PRKD3: variants seen among roughly 807,000 people sequenced by gnomAD.
The protein encoded by PRKD3 is serine/threonine-protein kinase D3.
In PRKD3, 47 loss-of-function variants were observed where a neutral mutation model predicts 99.2. That is an observed-to-expected ratio of 0.47 (90% CI 0.38 to 0.60). The LOEUF (loss-of-function observed/expected upper bound fraction) is 0.60. PRKD3 is among the 20% of genes least tolerant of loss of function. The pLI is 0.00. For synonymous variants in PRKD3, 392 were observed against 355.4 expected (o/e 1.10, Z -1.16); for missense variants, 1,019 against 1,088.4 (o/e 0.94, Z 0.90).
intron 14 of PRKD3, among the ~76,000 whole-genome samples, chr2:37,266,520 G>A (rs1212869755): frequency 7.0e-6 from 1 of 143,706 alleles, no homozygotes; most frequent in East Asian, 2.1e-4. Context: ...GAGTTTTGCT[G>A]TTGTTGCCCA....
In PRKD3 at chr2:37,252,893, C is replaced by A. The variant is rs1040439837; in HGVS notation, c.*284G>T. ...GAAATGGGAAGACAAATTAAGTGAG[C>A]CTATTGTATTAAAGTGAAGGATTAA... is the stretch of plus-strand genomic sequence containing the variant. On this transcript the variant is annotated 3_prime_UTR_variant, in exon 19 of 19. Transcript: ENST00000234179. The A allele has an allele frequency of 6.0e-6, 1 of 165,942 alleles. No individual in the cohort carries two copies. The highest frequency in any genetic ancestry group is 1.2e-5 in the Non-Finnish European group (1 of 80,468). 10.3% of individuals were successfully genotyped at this position (165,942 alleles called of 1,614,324 possible). A position where few individuals can be genotyped will look rare whatever the true frequency, so the allele number is the denominator to read the frequency against.
intron 18 of PRKD3, among the ~76,000 whole-genome samples, chr2:37,253,813 G>C (rs542582092): frequency 2.1e-4 from 32 of 152,266 alleles, no homozygotes; most frequent in African/African-American, 7.5e-4. Context: ...CTGAAGTTTG[G>C]AGGGTATCTT....
chr2:37,274,595 T>C lies in PRKD3; in HGVS notation c.1477A>G (p.Met493Val), dbSNP rs1482484300. The C allele has an allele frequency of 3.1e-6, 5 of 1,613,946 alleles. No individual in the cohort carries two copies. Among genetic ancestry groups the C allele is most frequent in the Admixed American group, 3.3e-5 (2 of 59,996 alleles). ...PHCFEIITDT[M>V]VYFVGENNGD... ...TTGTTCTCACCAACGAAGTATACCATAGTATCAGTAATGATTTCAAAACAG... is the reference window on the plus strand; with the variant it reads ...TTGTTCTCACCAACGAAGTATACCACAGTATCAGTAATGATTTCAAAACAG... The change falls in exon 11 of 19, where the codon ATG becomes GTG. Residue 493 changes from methionine (M) to valine (V), a missense_variant. This residue lies in a region of PRKD3 where 710 missense variants were observed against 692.7 expected (regional missense o/e 1.02). Transcript: ENST00000234179.
intron 6 of PRKD3, among the ~76,000 whole-genome samples, chr2:37,283,262 T>C (rs1441373433): frequency 6.6e-6 from 1 of 152,200 alleles, no homozygotes; most frequent in Non-Finnish European, 1.5e-5. Context: ...TCTTGCGCCC[T>C]ATCCCAGACC....
rs201573573 is a variant in PRKD3, at chr2:37,253,208, G to A, written c.2642C>T (p.Pro881Leu). 2 of 1,610,712 alleles carry A rather than the reference G, an allele frequency of 1.2e-6. No homozygotes were observed. The highest frequency in any genetic ancestry group is 2.2e-5 in the East Asian group (1 of 44,768). Residue 881 changes from proline (P) to leucine (L), a missense_variant, in exon 19 of 19, where the codon CCT (proline) becomes CTT (leucine). Pro to Leu is a moderately conservative substitution (Grantham distance 98, BLOSUM62 -3). Coordinates refer to ENST00000234179, the MANE Select transcript of PRKD3 (RefSeq NM_005813.6). ...ATCTTCTTCCATATCATCTGGATTA[G>A]GAGCCATAATGAAGTGCTTTGGGTA... Reference protein sequence around the residue: ...LVYPKHFIMAPNPDDMEEDP With the variant: ...LVYPKHFIMALNPDDMEEDP
At chr2:37,297,435 T>G (rs1342817982) in intron 2 of PRKD3, among the ~76,000 whole-genome samples, 5 of 152,170 alleles carry the variant, frequency 3.3e-5, no homozygotes, top group African/African-American at 7.2e-5. Flanking sequence ...ATTATTAACA[T>G]TGTACATTAG....
chr2:37,303,104 G>C (rs372335920), intron 2 of PRKD3, among the ~76,000 whole-genome samples: 1 of 152,150 alleles, frequency 6.6e-6, no homozygotes, highest in Non-Finnish European at 1.5e-5. Context: ...TGACTGGAGA[G>C]AGGTGACTTG....
intron 10 of PRKD3, among the ~76,000 whole-genome samples, chr2:37,275,145 G>A (rs1669501589): frequency 1.3e-5 from 2 of 151,854 alleles, no homozygotes; most frequent in Non-Finnish European, 2.9e-5. Flanking sequence ...CTGTCCACTG[G>A]AGTAACCTGT....
intron 1 of PRKD3, among the ~76,000 whole-genome samples, chr2:37,319,478 T>A (rs1331680727): frequency 6.6e-6 from 1 of 152,130 alleles, no homozygotes; most frequent in East Asian, 1.9e-4. Context: ...AAACTGAAAC[T>A]TAAAGGTAAG....
At chr2:37,276,508 G>A (rs1156552348) in intron 9 of PRKD3, among the ~76,000 whole-genome samples, 2 of 151,838 alleles carry the variant, frequency 1.3e-5, no homozygotes, top group African/African-American at 2.4e-5. Flanking sequence ...TTCCTATTGC[G>A]TTATGTTCTT....
intron 1 of PRKD3, among the ~76,000 whole-genome samples, chr2:37,323,842 T>C (rs1359293678): frequency 6.6e-6 from 1 of 152,180 alleles, no homozygotes; most frequent in Non-Finnish European, 1.5e-5. Context: ...CCGATAGTCT[T>C]ATTTCCTGTG....
chr2:37,304,803 C>T (rs1248875231), intron 2 of PRKD3, among the ~76,000 whole-genome samples: 1 of 150,522 alleles, frequency 6.6e-6, no homozygotes, highest in African/African-American at 2.4e-5. Context: ...CTTTATTTAA[C>T]ACCTGCCTTT....
In PRKD3 at chr2:37,290,917, G is replaced by A; in HGVS notation, c.510C>T (p.Tyr170=). The change falls in exon 4 of 19, where the codon TAC becomes TAT. Residue 170 remains tyrosine (Y), a synonymous_variant. Transcript: ENST00000234179. ...CCAATCCCCAGAGCATCTCACCACAGTAATCACAGAAAGTAGGAGCTTTGT... is the reference window on the plus strand; with the variant it reads ...CCAATCCCCAGAGCATCTCACCACAATAATCACAGAAAGTAGGAGCTTTGT... ...HSYKAPTFCD[Y]CGEMLWGLVR... 2 of 1,603,860 alleles carry A rather than the reference G, an allele frequency of 1.2e-6. No individual in the cohort carries two copies. Among genetic ancestry groups the A allele is most frequent in the Non-Finnish European group, 1.7e-6 (2 of 1,170,662 alleles).
chr2:37,274,033 C>G (rs2148538187), intron 11 of PRKD3, among the ~76,000 whole-genome samples: 1 of 152,288 alleles, frequency 6.6e-6, no homozygotes, highest in South Asian at 2.1e-4. Flanking sequence ...ATACCAGTAG[C>G]AGGCATAATC....
chr2:37,290,335 C>A (rs192044323), intron 4 of PRKD3, among the ~76,000 whole-genome samples: 1 of 152,066 alleles, frequency 6.6e-6, no homozygotes, highest in African/African-American at 2.4e-5. Flanking sequence ...CAGGTTCAAG[C>A]GATTCTCCTG....
At chr2:37,296,150 T>A (rs1670665341) in intron 2 of PRKD3, among the ~76,000 whole-genome samples, 1 of 152,196 alleles carries the variant, frequency 6.6e-6, no homozygotes, top group Non-Finnish European at 1.5e-5. Context: ...ATAAATCATA[T>A]GGCTCATCAA....
intron 14 of PRKD3, 119 bp downstream of exon 14, chr2:37,267,311 A>G: frequency 1.6e-6 from 1 of 625,370 alleles, no homozygotes; most frequent in Admixed American, 3.1e-5. Context: ...CAGTCCCTAT[A>G]ATGCCTATAT....
rs1169417001 is a variant in PRKD3 at position 37,251,406 on chromosome 2, T to TGCCTC, written c.*1766_*1770dup. On this transcript the variant is annotated 3_prime_UTR_variant, in exon 19 of 19. Coordinates refer to ENST00000234179, the MANE Select transcript of PRKD3 (RefSeq NM_005813.6). Reference sequence around the variant, plus strand: ...ATTTGGCAGTAAGTTAATCTCCCCTTGCCTCAGTTTTCTTATCTTTAAGAT... The same window carrying TGCCTC: ...ATTTGGCAGTAAGTTAATCTCCCCTTGCCTCGCCTCAGTTTTCTTATCTTTAAGAT... 1.2e-4 allele frequency: 18 copies of TGCCTC among 152,566 alleles called. 1 individual carries two copies. The highest frequency in any genetic ancestry group is 4.4e-5 in the Non-Finnish European group (3 of 68,014). The allele number at this position is 152,566 out of a possible 1,614,324, so 9.5% of individuals were successfully genotyped here. A position where few individuals can be genotyped will look rare whatever the true frequency, so the allele number is the denominator to read the frequency against.
Position 37,274,521 on chromosome 2 carries a change from A to T in PRKD3, c.1551T>A (p.Leu517=), listed in dbSNP as rs1488849103. ...CTTTTTCCCAGCTCTGTGCTACATC[A>T]AGTCCAACTCCAGTGGCAGCAAGAA... ...NPVLAATGVG[L]DVAQSWEKAI... is the part of the protein sequence containing the mutation. Residue 517 remains leucine, a synonymous_variant, in exon 11 of 19, where the codon CTT becomes CTA. Coordinates refer to ENST00000234179, the MANE Select transcript of PRKD3 (RefSeq NM_005813.6). 6.2e-7 allele frequency: 1 copy of T among 1,614,112 alleles called. No individual in the cohort carries two copies. The highest frequency in any genetic ancestry group is 1.7e-5 in the Admixed American group (1 of 60,008).
Sources: gnomAD v4.1 joint callset for allele counts (sites outside exome capture counted in the v4.1 genomes callset) on GRCh38, gnomAD v4.1.1 for gene constraint, gnomAD v4.1.1 regional missense constraint, MANE v1.5 for transcripts, NCBI Gene and HGNC (gene_info 2026-07-23, HGNC 2026-07-21) for gene names.